The following PCDHGB3 variants were observed in gnomAD, a reference collection of about 807,000 sequenced individuals.
PCDHGB3 encodes protocadherin gamma-B3.
In PCDHGB3, 40 loss-of-function variants were observed where a neutral mutation model predicts 59.2. The observed-to-expected ratio is 0.68, with a 90% CI of 0.52 to 0.88. The LOEUF (loss-of-function observed/expected upper bound fraction) is 0.88, where lower values mean the gene tolerates loss of function less well. Among genes scored for constraint, PCDHGB3 ranks in the 40% least tolerant of loss-of-function variants. The pLI is 0.00. For missense variants in PCDHGB3, 1,309 were observed against 1,187.9 expected (o/e 1.10, Z -1.50); for synonymous variants, 581 against 503.6 (o/e 1.15, Z -2.06).
chr5:141,488,131 G>A (rs2099672034), intron 1 of PCDHGB3, among the ~76,000 whole-genome samples: 1 of 152,202 alleles, frequency 6.6e-6, no homozygotes, highest in Non-Finnish European at 1.5e-5. Context: ...GCAGAAAGAG[G>A]AGAGAACTAA....
chr5:141,419,632 G>A (rs1210031265), intron 1 of PCDHGB3: 1 of 1,612,432 alleles, frequency 6.2e-7, no homozygotes, highest in Admixed American at 1.7e-5. Flanking sequence ...TGACCAAGGT[G>A]GTGGCCGTGG....
At chr5:141,394,689 G>A (rs1354749268) in intron 1 of PCDHGB3, 4 of 1,612,344 alleles carry the variant, frequency 2.5e-6, no homozygotes, top group Non-Finnish European at 3.4e-6. Flanking sequence ...CACGGGCGAG[G>A]TGCGCACGGC....
intron 1 of PCDHGB3, chr5:141,388,381 C>T (rs370363580): frequency 1.9e-6 from 3 of 1,613,888 alleles, no homozygotes; most frequent in African/African-American, 2.7e-5. Flanking sequence ...GGTAGCAACA[C>T]ACTGCAGAAT....
chr5:141,444,093 G>A (rs531514787), intron 1 of PCDHGB3, among the ~76,000 whole-genome samples: 1 of 147,730 alleles, frequency 6.8e-6, no homozygotes, highest in East Asian at 2.0e-4. Flanking sequence ...GTCTGCTAAG[G>A]ATTGGAAACC....
chr5:141,409,023 A>C, intron 1 of PCDHGB3: 1 of 1,614,044 alleles, frequency 6.2e-7, no homozygotes, highest in Non-Finnish European at 8.5e-7. Flanking sequence ...GAGGGGGTCA[A>C]TGCTGAGATA....
chr5:141,452,165 C>T (rs917431071), intron 1 of PCDHGB3, among the ~76,000 whole-genome samples: 2 of 152,120 alleles, frequency 1.3e-5, no homozygotes, highest in African/African-American at 4.8e-5. Flanking sequence ...TATTCTATTA[C>T]TAACATTTTT....
rs770391604 is a variant in PCDHGB3, at chr5:141,431,437, G to A, written c.2415+58628G>A. On this transcript the variant is annotated intron_variant, in intron 1 of 3. Coordinates refer to ENST00000576222, the MANE Select transcript of PCDHGB3 (RefSeq NM_018924.5). The surrounding 1 kb of genome is among the most constrained non-coding windows in gnomAD (Gnocchi z 4.8). ...GCGACCCGGTGCGCACAGGCACCGC[G>A]CGCATCCGCGTGATGGTTCTGGATG... The A allele has an allele frequency of 7.4e-6, 12 of 1,613,710 alleles. No homozygotes were observed. In the East Asian group the frequency reaches 2.5e-4, roughly 33 times the overall value.
At chr5:141,475,760 C>T (rs1480762060) in intron 1 of PCDHGB3, among the ~76,000 whole-genome samples, 1 of 152,286 alleles carries the variant, frequency 6.6e-6, no homozygotes, top group Non-Finnish European at 1.5e-5. Flanking sequence ...TGCACCGATA[C>T]TGGCAAGGCG....
Position 141,487,532 on chromosome 5 carries a change from A to T in PCDHGB3, c.2416-7275A>T. 6.2e-7 allele frequency: 1 copy of T among 1,614,158 alleles called. No homozygotes were observed. The highest frequency in any genetic ancestry group is 8.5e-7 in the Non-Finnish European group (1 of 1,180,022). ...ACCCACTCGGAGTGATAGCTTCATG[A>T]TGGTGAAGTCACCCAGTGCACCTAT... is the stretch of plus-strand genomic sequence containing the variant. On this transcript the variant is annotated intron_variant, in intron 1 of 3. Transcript: ENST00000576222. This position sits in a 1 kb window ranked among gnomAD's most constrained non-coding sequence, Gnocchi z 5.0.
intron 1 of PCDHGB3, chr5:141,413,033 T>C: frequency 1.3e-6 from 1 of 776,760 alleles, no homozygotes; most frequent in Non-Finnish European, 2.0e-6. Context: ...ACAAACCGGC[T>C]GCTGGGCTGC....
chr5:141,420,540 A>G, intron 1 of PCDHGB3: 1 of 306,814 alleles, frequency 3.3e-6, no homozygotes, highest in Non-Finnish European at 5.7e-6. Context: ...AAAAATATAA[A>G]ATACAGGTAT....
intron 1 of PCDHGB3, chr5:141,404,627 G>GC (rs2094548617): frequency 6.2e-7 from 1 of 1,614,026 alleles, no homozygotes; most frequent in Non-Finnish European, 8.5e-7. Flanking sequence ...GAATGACAAT[G>GC]CCCCAGAAAT....
intron 1 of PCDHGB3, among the ~76,000 whole-genome samples, chr5:141,437,886 C>A (rs763669578): frequency 6.6e-6 from 1 of 152,022 alleles, no homozygotes; most frequent in Non-Finnish European, 1.5e-5. Flanking sequence ...TACAGGCACA[C>A]GCCACCACAC....
rs17097297 is a variant in PCDHGB3 at position 141,426,366 on chromosome 5, G to C, written c.2415+53557G>C. 737 of 204,832 alleles carry C rather than the reference G, an allele frequency of 3.6e-3. 4 individuals are homozygous for C. The highest frequency in any genetic ancestry group is 0.015 in the African/African-American group (666 of 43,954). 12.7% of individuals were successfully genotyped at this position (204,832 alleles called of 1,614,324 possible). Reference sequence around the variant, plus strand: ...CTTTCCTGCTGCCTTTGTTCTGCGGGGCACCCTCGGAGCAGATCCGCTACT... The same window carrying C: ...CTTTCCTGCTGCCTTTGTTCTGCGGCGCACCCTCGGAGCAGATCCGCTACT... On this transcript the variant is annotated intron_variant, in intron 1 of 3. Transcript: ENST00000576222.
intron 1 of PCDHGB3, chr5:141,399,691 C>A: frequency 6.2e-7 from 1 of 1,613,480 alleles, no homozygotes; most frequent in Non-Finnish European, 8.5e-7. Context: ...CGAGCAGCTG[C>A]GCACCTTCGA....
chr5:141,436,120 TC>T (rs2154556955), intron 1 of PCDHGB3, among the ~76,000 whole-genome samples: 1 of 152,344 alleles, frequency 6.6e-6, no homozygotes, highest in South Asian at 2.1e-4. Context: ...GAAACCTCTC[TC>T]CTCCATCATC....
At chr5:141,423,563 C>G (rs745802952) in intron 1 of PCDHGB3, 3 of 1,613,550 alleles carry the variant, frequency 1.9e-6, no homozygotes, top group Admixed American at 1.7e-5. Flanking sequence ...TATGGGGACA[C>G]GCTCATCAGC....
intron 1 of PCDHGB3, chr5:141,390,939 A>G (rs572047279): frequency 6.6e-6 from 1 of 152,412 alleles, no homozygotes; most frequent in Admixed American, 6.5e-5. Context: ...TTAGAAGATC[A>G]AAAGCAGATT....
intron 1 of PCDHGB3, chr5:141,427,916 G>T: frequency 1.3e-6 from 2 of 1,578,854 alleles, no homozygotes; most frequent in East Asian, 2.2e-5. Flanking sequence ...GCGCCAACAT[G>T]AGCCGGCGCA....
Sources: allele counts gnomAD v4.1 joint callset (sites outside exome capture counted in the v4.1 genomes callset), GRCh38; gene constraint gnomAD v4.1.1; non-coding constraint Gnocchi (gnomAD v3.1); transcripts MANE v1.5; gene names NCBI Gene and HGNC (gene_info 2026-07-23, HGNC 2026-07-21).